PTPRD: variants seen among roughly 807,000 people sequenced by gnomAD.
PTPRD encodes protein tyrosine phosphatase receptor type D.
Under a neutral mutation model 214.5 loss-of-function variants are expected in PTPRD, and 34 were observed. The observed-to-expected ratio is 0.16, with a 90% CI of 0.12 to 0.21. The LOEUF (loss-of-function observed/expected upper bound fraction) is 0.21. Among genes scored for constraint, PTPRD ranks in the 10% least tolerant of loss-of-function variants. The probability of loss-of-function intolerance (pLI) is 1.00; values close to 1 mark genes in which losing one functional copy is unlikely to be tolerated. For missense variants in PTPRD, 2,545 were observed against 2,398.7 expected, an observed-to-expected ratio of 1.06 and a Z score of -1.27; for synonymous variants, 1,128 against 845.7, an observed-to-expected ratio of 1.33 and a Z score of -5.79.
intron 10 of PTPRD, among the ~76,000 whole-genome samples, chr9:9,065,556 G>A (rs2099727186): frequency 6.6e-6 from 1 of 152,184 alleles, no homozygotes; most frequent in African/African-American, 2.4e-5. Flanking sequence ...GAAGCTGACA[G>A]GGGTTTTCAG....
chr9:10,459,801 C>T (rs1199713279), intron 2 of PTPRD, among the ~76,000 whole-genome samples: 3 of 151,442 alleles, frequency 2.0e-5, no homozygotes, highest in Admixed American at 6.6e-5. Flanking sequence ...TGGATATTAG[C>T]CCTTTGTCAG....
intron 3 of PTPRD, among the ~76,000 whole-genome samples, chr9:10,217,819 A>G (rs576699881): frequency 6.6e-6 from 1 of 152,000 alleles, no homozygotes; most frequent in South Asian, 2.1e-4. Context: ...GAGAATAATG[A>G]TTGTGGAAAA....
intron 2 of PTPRD, among the ~76,000 whole-genome samples, chr9:10,345,420 C>G (rs1022665614): frequency 6.6e-6 from 1 of 151,414 alleles, no homozygotes; most frequent in Non-Finnish European, 1.5e-5. Context: ...TCCCCTAGCC[C>G]CCCACCCCCC....
At chr9:9,451,546 C>T (rs1276815638) in intron 8 of PTPRD, among the ~76,000 whole-genome samples, 2 of 151,488 alleles carry the variant, frequency 1.3e-5, no homozygotes, top group Non-Finnish European at 3.0e-5. Context: ...TAAAATGTTT[C>T]CTAGAAACAT....
At chr9:8,536,254 A>C (rs1203674555) in intron 14 of PTPRD, among the ~76,000 whole-genome samples, 1 of 151,950 alleles carries the variant, frequency 6.6e-6, no homozygotes, top group Non-Finnish European at 1.5e-5. Context: ...AATCACAGTC[A>C]ACTCATGAAT....
intron 7 of PTPRD, among the ~76,000 whole-genome samples, chr9:9,731,740 A>C (rs1364921079): frequency 6.6e-6 from 1 of 152,152 alleles, no homozygotes; most frequent in African/African-American, 2.4e-5. Context: ...GTTCTCACTC[A>C]TGGGTGGGAA....
chr9:8,618,657 T>A (rs1288589037), intron 14 of PTPRD, among the ~76,000 whole-genome samples: 1 of 151,994 alleles, frequency 6.6e-6, no homozygotes, highest in African/African-American at 2.4e-5. Context: ...TAACTTCCTG[T>A]GGTTGCCTCA....
At chr9:10,047,527 T>C (rs1428295326) in intron 3 of PTPRD, among the ~76,000 whole-genome samples, 3 of 152,056 alleles carry the variant, frequency 2.0e-5, no homozygotes, top group Non-Finnish European at 4.4e-5. Context: ...TTCCTTGTGT[T>C]TGCAATTTAG....
chr9:8,722,343 G>A (rs994308023), intron 12 of PTPRD, among the ~76,000 whole-genome samples: 1 of 152,014 alleles, frequency 6.6e-6, no homozygotes, highest in African/African-American at 2.4e-5. Flanking sequence ...GTAGGCAAGG[G>A]AGCCATTATT....
intron 20 of PTPRD, among the ~76,000 whole-genome samples, chr9:8,520,686 T>A (rs2097871097): frequency 6.6e-6 from 1 of 152,134 alleles, no homozygotes; most frequent in South Asian, 2.1e-4. Context: ...GTACTTTGGT[T>A]ATATTTAGTC....
chr9:10,294,026 C>T lies in PTPRD; in HGVS notation c.-545+46937G>A, dbSNP rs139775599. Among the ~76,000 whole-genome samples the T allele has an allele frequency of 2.7e-3, 406 of 151,996 alleles. 2 individuals carry two copies. The highest frequency in any genetic ancestry group is 9.3e-3 in the African/African-American group (387 of 41,500). On this transcript the variant is annotated intron_variant, in intron 3 of 45. Coordinates refer to ENST00000381196, the MANE Select transcript of PTPRD (RefSeq NM_002839.4). ...TACTTATGGCATATTCTGTAATAAACATTGAGCATGACAAGTGTCCAGGAA... is the reference window on the plus strand; with the variant it reads ...TACTTATGGCATATTCTGTAATAAATATTGAGCATGACAAGTGTCCAGGAA...
chr9:10,182,755 T>C (rs1206324773), intron 3 of PTPRD, among the ~76,000 whole-genome samples: 5 of 152,176 alleles, frequency 3.3e-5, no homozygotes, highest in Admixed American at 1.3e-4. Flanking sequence ...TTGGGACTCA[T>C]GTACTTCAAG....
intron 14 of PTPRD, among the ~76,000 whole-genome samples, chr9:8,582,461 T>G (rs937948122): frequency 1.3e-4 from 20 of 152,098 alleles, no homozygotes; most frequent in Non-Finnish European, 2.6e-4. Flanking sequence ...CATAATGAGG[T>G]AGATAGGCTA....
At chr9:9,324,560 T>C (rs1968757186) in intron 9 of PTPRD, among the ~76,000 whole-genome samples, 1 of 152,212 alleles carries the variant, frequency 6.6e-6, no homozygotes, top group Non-Finnish European at 1.5e-5. Flanking sequence ...CTTGTAAATC[T>C]GTTTAAGTTA....
intron 14 of PTPRD, among the ~76,000 whole-genome samples, chr9:8,627,262 T>G (rs1287346337): frequency 6.6e-6 from 1 of 151,802 alleles, no homozygotes; most frequent in African/African-American, 2.4e-5. Context: ...TCTGAAGGGC[T>G]GAAACTCACT....
At chr9:8,814,193 A>C (rs1411232342) in intron 11 of PTPRD, among the ~76,000 whole-genome samples, 8 of 152,234 alleles carry the variant, frequency 5.3e-5, no homozygotes, top group Non-Finnish European at 1.5e-5. Flanking sequence ...TGCCATCCTG[A>C]AACTCAAAAG....
At chr9:10,416,532 T>A (rs1254670619) in intron 2 of PTPRD, among the ~76,000 whole-genome samples, 1 of 151,840 alleles carries the variant, frequency 6.6e-6, no homozygotes, top group African/African-American at 2.4e-5. Context: ...AAATAAAGCA[T>A]GTGTTACTAA....
chr9:10,461,717 G>C (rs186890337), intron 2 of PTPRD, among the ~76,000 whole-genome samples: 1 of 151,910 alleles, frequency 6.6e-6, no homozygotes, highest in East Asian at 1.9e-4. Context: ...CTGCGTCCTG[G>C]GTTCAAGCAA....
At chr9:8,817,285 T>C (rs1315653093) in intron 11 of PTPRD, among the ~76,000 whole-genome samples, 1 of 152,214 alleles carries the variant, frequency 6.6e-6, no homozygotes, top group Non-Finnish European at 1.5e-5. Flanking sequence ...ATGGATTTTA[T>C]AAGAAATGGA....
Sources: gnomAD v4.1 joint callset for allele counts (sites outside exome capture counted in the v4.1 genomes callset) on GRCh38, gnomAD v4.1.1 for gene constraint, MANE v1.5 for transcripts, NCBI Gene and HGNC (gene_info 2026-07-23, HGNC 2026-07-21) for gene names.